The following GAD1 variants were observed in gnomAD, a reference collection of about 807,000 sequenced individuals.
The protein encoded by GAD1 is glutamate decarboxylase 1.
A neutral mutation model predicts 75.2 loss-of-function variants in GAD1; 35 were observed. The ratio of observed to expected loss-of-function variants is 0.47; its 90% CI spans 0.36 to 0.62. The LOEUF is 0.62. GAD1 is among the 20% of genes least tolerant of loss of function. The probability of loss-of-function intolerance (pLI) is 0.00; values close to 1 mark genes in which losing one functional copy is unlikely to be tolerated. For synonymous variants in GAD1, 257 were observed against 271.9 expected (o/e 0.95, Z 0.54); for missense variants, 490 against 758.5 (o/e 0.65, Z 4.16).
rs1165758709 is a variant in GAD1 at position 170,831,634 on chromosome 2, G to GTGTGTGTGTGTGTGTA, written c.547+443_547+444insGTGTGTGTGTGTGTAT. 2.1e-3 allele frequency among the ~76,000 whole-genome samples: 280 copies of GTGTGTGTGTGTGTGTA among 132,076 alleles called. 1 individual carries two copies. Among genetic ancestry groups the GTGTGTGTGTGTGTGTA allele is most frequent in the African/African-American group, 7.9e-3 (271 of 34,136 alleles). 86.6% of individuals were successfully genotyped at this position (132,076 alleles called of 152,430 possible). ...TGTGTGTGTGTGTGTGTGTGTGTGT[G>GTGTGTGTGTGTGTGTA]TATATACCTATTTTTATATATAAAT... On this transcript the variant is annotated intron_variant, in intron 5 of 16. Coordinates refer to ENST00000358196, the MANE Select transcript of GAD1 (RefSeq NM_000817.3).
intron 14 of GAD1, 129 bp downstream of exon 14, chr2:170,854,151 AC>A: frequency 1.0e-6 from 1 of 957,068 alleles, no homozygotes. Flanking sequence ...AATTGAATTA[AC>A]TGTGTTTTCT....
chr2:170,828,090 CCTCCTCCTTCT>C (rs1702071223), intron 3 of GAD1, among the ~76,000 whole-genome samples: 1 of 14,048 alleles, frequency 7.1e-5, no homozygotes, highest in Non-Finnish European at 1.6e-4. Flanking sequence ...TGTCCTCACC[CCTCCTCCTTCT>C]GCTGTCCTCC....
chr2:170,830,677 C>T (rs1395450726), intron 4 of GAD1, among the ~76,000 whole-genome samples: 2 of 152,344 alleles, frequency 1.3e-5, no homozygotes, highest in African/African-American at 2.4e-5. Flanking sequence ...CAGATGACAA[C>T]CGCAGTCGCA....
chr2:170,854,264 TAAC>T (rs758741926), intron 14 of GAD1, among the ~76,000 whole-genome samples: 53 of 152,146 alleles, frequency 3.5e-4, no homozygotes, highest in Non-Finnish European at 5.3e-4. Context: ...CGTTCTCTTA[TAAC>T]AACTAAAAAT....
chr2:170,849,255 C>T, intron 11 of GAD1, 31 bp from the exon 12 acceptor site: 1 of 1,599,574 alleles, frequency 6.3e-7, no homozygotes. Flanking sequence ...GTCACTGCTC[C>T]CCTCTTCCTC....
chr2:170,823,610 C>A (rs1701949533), intron 3 of GAD1, among the ~76,000 whole-genome samples: 1 of 152,088 alleles, frequency 6.6e-6, no homozygotes, highest in African/African-American at 2.4e-5. Flanking sequence ...AGCCGGCGGC[C>A]GCGGATCTTT....
chr2:170,858,989 T>A, intron 16 of GAD1, 96 bp downstream of exon 16: 1 of 1,106,410 alleles, frequency 9.0e-7, no homozygotes, highest in Non-Finnish European at 1.4e-6. Context: ...GGGGGAAATA[T>A]AAAAAATAAA....
At chr2:170,847,278 C>T (rs1559282985) in intron 10 of GAD1, among the ~76,000 whole-genome samples, 1 of 152,190 alleles carries the variant, frequency 6.6e-6, no homozygotes, top group Non-Finnish European at 1.5e-5. Flanking sequence ...ATTCCAAACA[C>T]TTATTATTAC....
chr2:170,845,512 C>T lies in GAD1; in HGVS notation c.758C>T (p.Ala253Val). ...TATGTCCGCTTGCTGACAGGGGGCG[C>T]CATATCCAACATGTACAGCATCATG... ...DGDGIFSPGG[A>V]ISNMYSIMAA... is the part of the protein sequence containing the mutation. The change falls in exon 8 of 17, where the codon GCC (alanine) becomes GTC (valine). Residue 253 changes from alanine to valine, a missense_variant. Physicochemically the swap from Ala to Val is moderately conservative, Grantham distance 64. This residue lies in a region of GAD1 where 324 missense variants were observed against 523.9 expected (regional missense o/e 0.62). Transcript: ENST00000358196. 6.2e-7 allele frequency: 1 copy of T among 1,613,392 alleles called. No individual in the cohort carries two copies. The highest frequency in any genetic ancestry group is 8.5e-7 in the Non-Finnish European group (1 of 1,179,922).
chr2:170,820,845 A>T (rs951142122), intron 2 of GAD1, among the ~76,000 whole-genome samples: 15 of 152,210 alleles, frequency 9.9e-5, no homozygotes, highest in African/African-American at 3.6e-4. Flanking sequence ...TGACTCTTAG[A>T]TCAACACTCC....
At chr2:170,829,332 G>A (rs765380037) in intron 3 of GAD1, 143 bp from the exon 4 acceptor site, 58 of 941,884 alleles carry the variant, frequency 6.2e-5, no homozygotes, top group Non-Finnish European at 9.0e-5. Flanking sequence ...CAGTGCCAGA[G>A]CCACTGTATT....
At chr2:170,845,893 C>T (rs1702620614) in intron 9 of GAD1, 108 bp downstream of exon 9, 1 of 1,448,342 alleles carries the variant, frequency 6.9e-7, no homozygotes, top group Admixed American at 1.7e-5. Context: ...TGCCAAGCTG[C>T]TAATGGTCTG....
At chr2:170,815,895 C>T (rs1575418276), upstream of GAD1, among the ~76,000 whole-genome samples, 1 of 152,222 alleles carries the variant, frequency 6.6e-6, no homozygotes, top group African/African-American at 2.4e-5. Flanking sequence ...CGTCTCTGGG[C>T]TCTTGGCGCC....
In GAD1 at chr2:170,857,057, G is replaced by T; in HGVS notation, c.1453G>T (p.Glu485Ter). The change falls in exon 15 of 17, where the codon GAA becomes TAA. Residue 485 changes from glutamate (E) to a stop codon, truncating the protein, a stop_gained. Coordinates refer to ENST00000358196, the MANE Select transcript of GAD1 (RefSeq NM_000817.3). LOFTEE classifies it high-confidence loss of function. ...GFENQINKCL[E>*]LAEYLYAKIK... ...TGAAAACCAGATCAACAAATGCCTG[G>T]AACTGGCTGAATACCTCTATGCCAA... is the stretch of plus-strand genomic sequence containing the variant. 1.2e-6 allele frequency: 2 copies of T among 1,613,972 alleles called. No individual in the cohort carries two copies. The highest frequency in any genetic ancestry group is 1.3e-5 in the African/African-American group (1 of 75,032).
At chr2:170,829,351 A>C (rs1015930183) in intron 3 of GAD1, 124 bp from the exon 4 acceptor site, 1 of 1,129,462 alleles carries the variant, frequency 8.9e-7, no homozygotes, top group African/African-American at 1.5e-5. Flanking sequence ...TTTAAAACAC[A>C]GACACTCACT....
chr2:170,842,027 A>G (rs1039985701), intron 6 of GAD1, among the ~76,000 whole-genome samples: 1 of 152,242 alleles, frequency 6.6e-6, no homozygotes, highest in African/African-American at 2.4e-5. Context: ...GGTACCTGGC[A>G]TAGATAAGGA....
At chr2:170,838,527 A>G (rs1702426773) in intron 6 of GAD1, among the ~76,000 whole-genome samples, 1 of 152,216 alleles carries the variant, frequency 6.6e-6, no homozygotes, top group African/African-American at 2.4e-5. Context: ...AAAGATACAT[A>G]TCTATTAAAG....
Position 170,833,578 on chromosome 2 carries a change from C to T in GAD1, c.547+2386C>T, listed in dbSNP as rs542950647. On this transcript the variant is annotated intron_variant, in intron 5 of 16. Transcript: ENST00000358196. ...GAACTTTGCCAGTTTGCTCTACATGCGCTTTCTCAGAGAGATGAGAACTAC... is the reference window on the plus strand; with the variant it reads ...GAACTTTGCCAGTTTGCTCTACATGTGCTTTCTCAGAGAGATGAGAACTAC... Among the ~76,000 whole-genome samples, 5 of 152,356 alleles carry T rather than the reference C, an allele frequency of 3.3e-5. 1 individual carries two copies. Among genetic ancestry groups the T allele is most frequent in the East Asian group, 1.9e-4 (1 of 5,190 alleles).
chr2:170,839,686 T>C (rs1420972954), intron 6 of GAD1, among the ~76,000 whole-genome samples: 1 of 152,026 alleles, frequency 6.6e-6, no homozygotes, highest in Admixed American at 6.6e-5. Context: ...TATATTCTTC[T>C]TCTAAGCAAC....
Sources: gnomAD v4.1 joint callset for allele counts (sites outside exome capture counted in the v4.1 genomes callset) on GRCh38, gnomAD v4.1.1 for gene constraint, gnomAD v4.1.1 regional missense constraint, MANE v1.5 for transcripts, NCBI Gene and HGNC (gene_info 2026-07-23, HGNC 2026-07-21) for gene names.